The following GANAB variants were observed in gnomAD, a reference collection of about 807,000 sequenced individuals.
The protein encoded by GANAB is neutral alpha-glucosidase AB.
In GANAB, 35 loss-of-function variants were observed where a neutral mutation model predicts 129.9. The ratio of observed to expected loss-of-function variants is 0.27; its 90% CI spans 0.21 to 0.36. GANAB has a LOEUF of 0.36. Ranked by LOEUF, GANAB falls within the 10% of genes least tolerant of loss-of-function variation. The pLI is 1.00. For missense variants in GANAB, 939 were observed against 1,221.0 expected, an observed-to-expected ratio of 0.77 and a Z score of 3.44; for synonymous variants, 482 against 451.8, an observed-to-expected ratio of 1.07 and a Z score of -0.85.
chr11:62,626,741 C>T, intron 20 of GANAB, 57 bp from the exon 21 acceptor site: 1 of 1,369,370 alleles, frequency 7.3e-7, no homozygotes, highest in Non-Finnish European at 1.0e-6. Context: ...TTGGGCCCCA[C>T]AGCATGTTTT....
Position 62,626,603 on chromosome 11 carries a change from G to C in GANAB, c.2479C>G (p.Pro827Ala). ...RRSSECMKDD[P>A]ITLFVALSPQ... Reference sequence around the variant, plus strand: ...CTAAGTGCAACAAAGAGAGTGATGGGGTCATCCTTCATACATTCTGAAGAC... The same window carrying C: ...CTAAGTGCAACAAAGAGAGTGATGGCGTCATCCTTCATACATTCTGAAGAC... The change falls in exon 21 of 24, where the codon CCC becomes GCC. Residue 827 changes from proline to alanine, a missense_variant. Around this residue, in one of 5 missense-constraint regions of GANAB, gnomAD observed 230 missense variants for 259.9 expected, o/e 0.89. Coordinates refer to ENST00000356638, the MANE Select transcript of GANAB (RefSeq NM_198334.3). 1 of 1,611,348 alleles carries C rather than the reference G, an allele frequency of 6.2e-7. No individual in the cohort carries two copies. Among genetic ancestry groups the C allele is most frequent in the Non-Finnish European group, 8.5e-7 (1 of 1,177,748 alleles).
intron 8 of GANAB, 24 bp from the exon 9 acceptor site, chr11:62,632,769 GGCT>G (rs1943749392): frequency 1.2e-6 from 2 of 1,600,240 alleles, no homozygotes; most frequent in African/African-American, 1.3e-5. Context: ...GACAGACTTG[GGCT>G]GCTAACTGGC....
rs560652287 is a variant in GANAB at position 62,646,498 on chromosome 11, G to A, written c.38+64C>T. On this transcript the variant is annotated intron_variant, in intron 1 of 23. Coordinates refer to ENST00000356638, the MANE Select transcript of GANAB (RefSeq NM_198334.3). ...AGTGTCAAGAGACACACAGGAAGGA[G>A]TGGAATGGGACTTGGGGGATCTGGG... 3.9e-6 allele frequency: 6 copies of A among 1,557,058 alleles called. No homozygotes were observed. The Admixed American group carries it at 8.4e-5, about 22-fold the overall frequency.
chr11:62,641,342 A>G (rs369898393), intron 1 of GANAB, among the ~76,000 whole-genome samples: 9 of 15,686 alleles, frequency 5.7e-4, no homozygotes, highest in East Asian at 0.016. Flanking sequence ...AAACTCTCAG[A>G]AAAAAAAAAA....
chr11:62,631,303 CG>C, intron 9 of GANAB, 120 bp from the exon 10 acceptor site: 1 of 846,130 alleles, frequency 1.2e-6, no homozygotes, highest in South Asian at 2.1e-5. Flanking sequence ...AAGCTGCTTT[CG>C]GTAAGACTAA....
chr11:62,641,266 C>A (rs202116831), intron 1 of GANAB, among the ~76,000 whole-genome samples: 1 of 150,710 alleles, frequency 6.6e-6, no homozygotes, highest in Admixed American at 6.6e-5. Context: ...ATCGCTTGAA[C>A]CCGGGAGGCA....
At chr11:62,638,585 AG>A (rs1944057911) in intron 4 of GANAB, among the ~76,000 whole-genome samples, 1 of 72 alleles carries the variant, frequency 0.014, no homozygotes, top group African/African-American at 0.038. Context: ...GAAAGGAGGA[AG>A]GAAGGAAGGA....
intron 17 of GANAB, among the ~76,000 whole-genome samples, chr11:62,628,283 C>T (rs1943498337): frequency 7.4e-6 from 1 of 134,436 alleles, no homozygotes; most frequent in Admixed American, 8.5e-5. Flanking sequence ...GCAGAGCAAT[C>T]TCGGCTCACT....
chr11:62,628,369 T>C (rs1943503271), intron 17 of GANAB, among the ~76,000 whole-genome samples: 1 of 151,848 alleles, frequency 6.6e-6, no homozygotes, highest in African/African-American at 2.4e-5. Flanking sequence ...GGCGCCATGA[T>C]GCCCAGCTAA....
chr11:62,642,106 G>A (rs1311783922), intron 1 of GANAB, among the ~76,000 whole-genome samples: 1 of 152,058 alleles, frequency 6.6e-6, no homozygotes, highest in Non-Finnish European at 1.5e-5. Context: ...CAGCTATTCA[G>A]GAGGCTGAGG....
chr11:62,628,225 T>TTC (rs1554971441), intron 17 of GANAB, among the ~76,000 whole-genome samples: 12,711 of 124,484 alleles, frequency 0.1, 780 homozygotes, highest in Non-Finnish European at 0.15. Context: ...TTTTTTTTTT[T>TTC]CATTTTTTTG....
At chr11:62,638,515 G>A (rs1944050856) in intron 4 of GANAB, among the ~76,000 whole-genome samples, 1 of 151,954 alleles carries the variant, frequency 6.6e-6, no homozygotes, top group Non-Finnish European at 1.5e-5. Context: ...TGGAACACTG[G>A]TGACAGAGTA....
chr11:62,626,984 TC>T, intron 19 of GANAB, 50 bp from the exon 20 acceptor site: 1 of 1,569,870 alleles, frequency 6.4e-7, no homozygotes, highest in Non-Finnish European at 8.8e-7. Flanking sequence ...TGCACAGGGG[TC>T]CCGTCCTGTT....
At position 62,634,271 on chromosome 11, in the gene GANAB, G is replaced by A. The variant is rs187892425; in HGVS notation, c.560+550C>T. The A allele has an allele frequency of 5.2e-3, 7,033 of 1,361,752 alleles. 28 individuals carry two copies. Among genetic ancestry groups the A allele is most frequent in the Non-Finnish European group, 6.4e-3 (6,067 of 949,580 alleles). 84.4% of individuals were successfully genotyped at this position (1,361,752 alleles called of 1,614,324 possible). On this transcript the variant is annotated intron_variant, in intron 5 of 23. Coordinates refer to ENST00000356638, the MANE Select transcript of GANAB (RefSeq NM_198334.3). ...AGGCTAGAGTGAGGAATGGGTAAGG[G>A]CAGAGGAACAGATACAGTACCGGTG...
rs1943389941 is a variant in GANAB, at chr11:62,626,583, T to C, written c.2499A>G (p.Ala833=). 1 of 1,606,574 alleles carries C rather than the reference T, an allele frequency of 6.2e-7. No homozygotes were observed. Among genetic ancestry groups the C allele is most frequent in the Admixed American group, 1.7e-5 (1 of 59,944 alleles). The change falls in exon 21 of 24, where the codon GCA becomes GCG. Residue 833 remains alanine (A), a synonymous_variant. Coordinates refer to ENST00000356638, the MANE Select transcript of GANAB (RefSeq NM_198334.3). ...CCTATGCACTTACCTGAGGGCTAAG[T>C]GCAACAAAGAGAGTGATGGGGTCAT... is the stretch of plus-strand genomic sequence containing the variant. ...MKDDPITLFV[A]LSPQGTAQGE... is the part of the protein sequence containing the mutation.
chr11:62,634,740 G>T, intron 5 of GANAB, 81 bp downstream of exon 5: 1 of 1,175,562 alleles, frequency 8.5e-7, no homozygotes. Flanking sequence ...TCCCACCACC[G>T]TCTCCTCCCC....
intron 17 of GANAB, among the ~76,000 whole-genome samples, 173 bp downstream of exon 17, chr11:62,628,596 T>C (rs1414474473): frequency 1.3e-5 from 2 of 152,168 alleles, no homozygotes; most frequent in Admixed American, 1.3e-4. Context: ...CAATTTTCTT[T>C]AAATGTTTAC....
At chr11:62,646,513 G>C in intron 1 of GANAB, 49 bp downstream of exon 1, 1 of 1,599,406 alleles carries the variant, frequency 6.3e-7, no homozygotes. Context: ...ATGGGACTTG[G>C]GGGATCTGGG....
At chr11:62,644,364 C>A (rs967620360) in intron 1 of GANAB, among the ~76,000 whole-genome samples, 2 of 151,950 alleles carry the variant, frequency 1.3e-5, no homozygotes, top group African/African-American at 4.8e-5. Context: ...AGTTTTACAA[C>A]CAGCCAGGCA....
Sources: allele counts gnomAD v4.1 joint callset (sites outside exome capture counted in the v4.1 genomes callset), GRCh38; gene constraint gnomAD v4.1.1; regional missense constraint gnomAD v4.1.1; transcripts MANE v1.5; gene names NCBI Gene and HGNC (gene_info 2026-07-23, HGNC 2026-07-21).